The following RPTOR variants were observed in gnomAD, a reference collection of about 807,000 sequenced individuals.
The protein encoded by RPTOR is regulatory-associated protein of mTOR.
Under a neutral mutation model 169.9 loss-of-function variants are expected in RPTOR, and 21 were observed. The observed-to-expected ratio is 0.12, with a 90% CI of 0.09 to 0.18. The LOEUF (loss-of-function observed/expected upper bound fraction) is 0.18. RPTOR is among the 10% of genes least tolerant of loss of function. RPTOR has a pLI of 1.00. For synonymous variants in RPTOR, 732 were observed against 753.2 expected, an observed-to-expected ratio of 0.97 and a Z score of 0.46; for missense variants, 1,133 against 1,855.9, an observed-to-expected ratio of 0.61 and a Z score of 7.16.
At chr17:80,744,370 C>CTA (rs2066537327) in intron 5 of RPTOR, among the ~76,000 whole-genome samples, 2 of 116,800 alleles carry the variant, frequency 1.7e-5, no homozygotes, top group South Asian at 2.5e-4. Flanking sequence ...GTCCTGGTTA[C>CTA]GAGCACAGCC....
chr17:80,940,439 C>T, intron 24 of RPTOR, 57 bp from the exon 25 acceptor site: 1 of 1,480,018 alleles, frequency 6.8e-7, no homozygotes. Context: ...CCCATTGATA[C>T]CAAGAGACAA....
Position 80,730,169 on chromosome 17 carries a change from C to T in RPTOR, c.508-391C>T, listed in dbSNP as rs765822943. On this transcript the variant is annotated intron_variant, in intron 4 of 33. Coordinates refer to ENST00000306801, the MANE Select transcript of RPTOR (RefSeq NM_020761.3). This position sits in a 1 kb window ranked among gnomAD's most constrained non-coding sequence, Gnocchi z 4.2. ...TTGCCCAGGCTGGAGTGCAGTGGCG[C>T]AATCTTGGCTCACTGTAACCTTCGC... 6.6e-6 allele frequency among the ~76,000 whole-genome samples: 1 copy of T among 152,164 alleles called. No homozygotes were observed. Among genetic ancestry groups the T allele is most frequent in the Non-Finnish European group, 1.5e-5 (1 of 68,026 alleles).
chr17:80,747,741 G>T (rs1027066502), intron 5 of RPTOR, among the ~76,000 whole-genome samples: 1 of 152,238 alleles, frequency 6.6e-6, no homozygotes, highest in Non-Finnish European at 1.5e-5. Flanking sequence ...AGACTTCTTG[G>T]TCCCTAAGGA....
At chr17:80,826,574 C>T (rs1227042382) in intron 9 of RPTOR, among the ~76,000 whole-genome samples, 20 of 152,258 alleles carry the variant, frequency 1.3e-4, no homozygotes, top group South Asian at 4.1e-4. Flanking sequence ...ATCACAGCGG[C>T]GATGCCCTTA....
intron 9 of RPTOR, among the ~76,000 whole-genome samples, chr17:80,826,839 TGTTGCC>T (rs1280144202): frequency 3.3e-5 from 5 of 152,276 alleles, no homozygotes; most frequent in African/African-American, 9.6e-5. Flanking sequence ...CTCGCCCTGC[TGTTGCC>T]GATGGCCTGG....
chr17:80,962,432 G>A (rs779834290), intron 31 of RPTOR, 29 bp from the exon 32 acceptor site: 2 of 1,590,456 alleles, frequency 1.3e-6, no homozygotes, highest in Non-Finnish European at 1.7e-6. Context: ...CCTCCGGGAG[G>A]AGGTGTCACT....
At chr17:80,640,179 G>A (rs768653342) in intron 2 of RPTOR, among the ~76,000 whole-genome samples, 21 of 150,000 alleles carry the variant, frequency 1.4e-4, no homozygotes, top group Non-Finnish European at 1.6e-4. Flanking sequence ...CTCACTCGCC[G>A]CTGAAGTTTC....
At position 80,743,807 on chromosome 17, in the gene RPTOR, GGC is replaced by G. The variant is rs1475492305; in HGVS notation, c.655-10202_655-10201del. ...GAGCCCTGGCTACTAGCACAGCCCT[GGC>G]TACTAGCAGAGCCCTGGCTACTAGC... On this transcript the variant is annotated intron_variant, in intron 5 of 33. Transcript: ENST00000306801. Among the ~76,000 whole-genome samples the G allele has an allele frequency of 6.1e-5, 8 of 131,878 alleles. 1 individual carries two copies. In the East Asian group the frequency reaches 1.2e-3, roughly 20 times the overall value. 86.5% of individuals were successfully genotyped at this position (131,878 alleles called of 152,430 possible).
intron 5 of RPTOR, among the ~76,000 whole-genome samples, chr17:80,742,910 A>G (rs1024785367): frequency 6.6e-6 from 1 of 151,650 alleles, no homozygotes; most frequent in African/African-American, 2.4e-5. Flanking sequence ...ACACAGGTAC[A>G]TGCTCATACA....
At chr17:80,871,830 T>A (rs1261147854) in intron 13 of RPTOR, among the ~76,000 whole-genome samples, 1 of 152,222 alleles carries the variant, frequency 6.6e-6, no homozygotes, top group Non-Finnish European at 1.5e-5. Context: ...TTGCCCCTTC[T>A]TGAGCTAACC....
intron 21 of RPTOR, 150 bp from the exon 22 acceptor site, chr17:80,922,574 A>C: frequency 2.9e-6 from 2 of 687,318 alleles, no homozygotes. Flanking sequence ...CGGGGGATCC[A>C]GCTGGGGCCT....
At chr17:80,704,037 T>C (rs2066123269) in intron 3 of RPTOR, among the ~76,000 whole-genome samples, 1 of 152,120 alleles carries the variant, frequency 6.6e-6, no homozygotes, top group Non-Finnish European at 1.5e-5. Flanking sequence ...TTTTGTTGGG[T>C]GTGGAGAGAC....
chr17:80,892,301 C>T (rs2068335525), intron 18 of RPTOR, among the ~76,000 whole-genome samples: 1 of 152,126 alleles, frequency 6.6e-6, no homozygotes, highest in African/African-American at 2.4e-5. Context: ...CCGTCTCTGC[C>T]GTGCAGGGGC....
At chr17:80,770,451 G>A (rs1440893667) in intron 6 of RPTOR, among the ~76,000 whole-genome samples, 1 of 152,166 alleles carries the variant, frequency 6.6e-6, no homozygotes, top group Non-Finnish European at 1.5e-5. Context: ...AGGTGCCCAG[G>A]GCATTTGGGG....
chr17:80,660,748 AACTG>A (rs1269232198), intron 3 of RPTOR, among the ~76,000 whole-genome samples: 1 of 152,192 alleles, frequency 6.6e-6, no homozygotes, highest in African/African-American at 2.4e-5. Context: ...ACTCAATGGT[AACTG>A]ACTGCTGGAA....
chr17:80,658,552 G>A (rs1264699525), intron 3 of RPTOR, among the ~76,000 whole-genome samples: 1 of 152,152 alleles, frequency 6.6e-6, no homozygotes, highest in African/African-American at 2.4e-5. Context: ...CTTAGCTGTG[G>A]ACTACTTCAT....
chr17:80,643,545 G>T (rs988116901), intron 2 of RPTOR, among the ~76,000 whole-genome samples, 183 bp from the exon 3 acceptor site: 5 of 152,206 alleles, frequency 3.3e-5, no homozygotes, highest in Non-Finnish European at 5.9e-5. Context: ...CGGCGTGTCA[G>T]CTTGTTTGAG....
rs1044306323 is a variant in RPTOR, at chr17:80,964,301, G to A, written c.3979G>A (p.Val1327Met). Residue 1327 changes from valine (V) to methionine (M), a missense_variant, in exon 34 of 34, where the codon GTG becomes ATG. Physicochemically the swap from Val to Met is conservative, Grantham distance 21. Around this residue, in one of 9 missense-constraint regions of RPTOR, gnomAD observed 410 missense variants for 623.7 expected, o/e 0.66. Transcript: ENST00000306801. Reference protein sequence around the residue: ...AVGSNDYYISVYSVEKRVR With the variant: ...AVGSNDYYISMYSVEKRVR Reference sequence around the variant, plus strand: ...GGGAAGCAACGACTACTACATCTCCGTGTACTCGGTGGAGAAGCGTGTCAG... The same window carrying A: ...GGGAAGCAACGACTACTACATCTCCATGTACTCGGTGGAGAAGCGTGTCAG... The A allele has an allele frequency of 1.4e-5, 22 of 1,606,768 alleles. No homozygotes were observed. Among genetic ancestry groups the A allele is most frequent in the East Asian group, 2.2e-5 (1 of 44,790 alleles).
intron 10 of RPTOR, among the ~76,000 whole-genome samples, chr17:80,842,010 ACT>A (rs1220638557): frequency 6.6e-6 from 1 of 150,500 alleles, no homozygotes; most frequent in Non-Finnish European, 1.5e-5. Flanking sequence ...ACCGCAGCTC[ACT>A]CTCACCACAC....
Sources: allele counts gnomAD v4.1 joint callset (sites outside exome capture counted in the v4.1 genomes callset), GRCh38; gene constraint gnomAD v4.1.1; regional missense constraint gnomAD v4.1.1; non-coding constraint Gnocchi (gnomAD v3.1); transcripts MANE v1.5; gene names NCBI Gene and HGNC (gene_info 2026-07-23, HGNC 2026-07-21).